The following NAALADL2 variants were observed in gnomAD, a reference collection of about 807,000 sequenced individuals.
NAALADL2 encodes inactive N-acetylated-alpha-linked acidic dipeptidase-like protein 2.
A neutral mutation model predicts 87.2 loss-of-function variants in NAALADL2; 76 were observed. The observed-to-expected ratio is 0.87, with a 90% confidence interval of 0.72 to 1.05. The LOEUF (loss-of-function observed/expected upper bound fraction) is 1.05. Ranked by LOEUF, NAALADL2 falls within the 50% of genes least tolerant of loss-of-function variation. The pLI is 0.00. For missense variants in NAALADL2, 1,089 were observed against 945.8 expected (o/e 1.15, Z -1.99); for synonymous variants, 354 against 331.0 (o/e 1.07, Z -0.75).
intron 4 of NAALADL2, among the ~76,000 whole-genome samples, chr3:175,265,762 A>G (rs1751823852): frequency 6.6e-6 from 1 of 151,556 alleles, no homozygotes; most frequent in South Asian, 2.1e-4. Context: ...TCTTATTTTT[A>G]TAACAAATTA....
In NAALADL2 at chr3:175,804,001, C is replaced by G. The variant is rs528970466; in HGVS notation, c.*798C>G. On this transcript the variant is annotated 3_prime_UTR_variant, in exon 14 of 14. Coordinates refer to ENST00000454872, the MANE Select transcript of NAALADL2 (RefSeq NM_207015.3). ...TTTCTTATTACTTTTTCTCTTGTTT[C>G]TGTTGGAAACACTGAAGCAGGGACT... 3 of 152,246 alleles carry G rather than the reference C, an allele frequency of 2.0e-5. No homozygotes were observed. Among genetic ancestry groups the G allele is most frequent in the Admixed American group, 6.6e-5 (1 of 15,208 alleles). The allele number at this position is 152,246 out of a possible 1,614,324, so 9.4% of individuals were successfully genotyped here.
At chr3:175,130,398 C>T (rs958352830) in intron 2 of NAALADL2, among the ~76,000 whole-genome samples, 9 of 152,036 alleles carry the variant, frequency 5.9e-5, no homozygotes, top group African/African-American at 2.2e-4. Flanking sequence ...CTTTTGGTAT[C>T]GTATCCAAAA....
At chr3:175,755,179 G>T (rs2150133090) in intron 12 of NAALADL2, 41 bp from the exon 13 acceptor site, 1 of 1,558,262 alleles carries the variant, frequency 6.4e-7, no homozygotes, top group South Asian at 1.2e-5. Context: ...TTGCTCCCTT[G>T]AGAATGTCTC....
intron 13 of NAALADL2, among the ~76,000 whole-genome samples, chr3:175,782,188 C>A (rs1751221833): frequency 1.4e-5 from 2 of 142,348 alleles, no homozygotes; most frequent in South Asian, 2.3e-4. Context: ...GTCTTTATAG[C>A]AGCATGATTT....
At chr3:175,475,038 C>T (rs904677906) in intron 9 of NAALADL2, among the ~76,000 whole-genome samples, 4 of 151,596 alleles carry the variant, frequency 2.6e-5, no homozygotes, top group African/African-American at 9.7e-5. Flanking sequence ...CACACACACA[C>T]ACACACACAC....
chr3:175,451,144 G>C (rs1478692189), intron 6 of NAALADL2, among the ~76,000 whole-genome samples: 1 of 152,064 alleles, frequency 6.6e-6, no homozygotes, highest in Non-Finnish European at 1.5e-5. Flanking sequence ...GTATATATGA[G>C]TCAATACATT....
chr3:174,794,295 T>C (rs1445882266), intron 3 of NAALADL2, among the ~76,000 whole-genome samples: 3 of 152,094 alleles, frequency 2.0e-5, no homozygotes, highest in Non-Finnish European at 4.4e-5. Context: ...CTTTATTCTT[T>C]CCTGGTTTTA....
intron 2 of NAALADL2, among the ~76,000 whole-genome samples, chr3:175,116,115 C>T (rs1725109654): frequency 6.6e-6 from 1 of 152,012 alleles, no homozygotes; most frequent in Non-Finnish European, 1.5e-5. Flanking sequence ...GACAAACCCA[C>T]AGCCAATATC....
intron 3 of NAALADL2, among the ~76,000 whole-genome samples, chr3:174,821,502 A>G (rs998666151): frequency 2.6e-5 from 4 of 152,186 alleles, no homozygotes; most frequent in Non-Finnish European, 5.9e-5. Flanking sequence ...TTAAAATGTG[A>G]TGTTTCTCAT....
intron 1 of NAALADL2, among the ~76,000 whole-genome samples, chr3:174,477,872 C>T (rs556185114): frequency 7.9e-5 from 12 of 152,200 alleles, no homozygotes; most frequent in African/African-American, 2.4e-4. Context: ...TCAATGTTAG[C>T]CATGAGTATT....
intron 1 of NAALADL2, among the ~76,000 whole-genome samples, chr3:174,445,056 A>T (rs1714949048): frequency 6.6e-6 from 1 of 151,498 alleles, no homozygotes; most frequent in Non-Finnish European, 1.5e-5. Context: ...TGTTTCTTGA[A>T]TTCTTACTAT....
chr3:174,458,538 G>A (rs1388395088), intron 1 of NAALADL2: 1 of 152,144 alleles, frequency 6.6e-6, no homozygotes, highest in Non-Finnish European at 1.5e-5. Flanking sequence ...AGATCAGTAA[G>A]ATCAGTTATG....
intron 3 of NAALADL2, among the ~76,000 whole-genome samples, chr3:174,813,354 G>GCCATGTGTGGCCCATGGA (rs1335324443): frequency 1.1e-4 from 16 of 152,208 alleles, no homozygotes; most frequent in Admixed American, 4.6e-4. Context: ...GTGGACCTGG[G>GCCATGTGTGGCCCATGGA]CCATGGGTTG....
chr3:175,157,211 C>T (rs1047532636), intron 2 of NAALADL2, among the ~76,000 whole-genome samples: 1 of 152,024 alleles, frequency 6.6e-6, no homozygotes, highest in African/African-American at 2.4e-5. Context: ...CCTGTGTATT[C>T]TATCATGAGG....
chr3:174,705,217 A>T (rs1578613486), intron 2 of NAALADL2, among the ~76,000 whole-genome samples: 1 of 152,172 alleles, frequency 6.6e-6, no homozygotes. Context: ...CCTAACTTGC[A>T]CATCTTTGGG....
At chr3:175,667,742 T>TG (rs976962135) in intron 11 of NAALADL2, among the ~76,000 whole-genome samples, 7 of 142,028 alleles carry the variant, frequency 4.9e-5, no homozygotes, top group African/African-American at 2.0e-4. Flanking sequence ...TGTTTTTTGC[T>TG]GTTTTTTTTT....
At chr3:174,801,226 T>C (rs1718793859) in intron 3 of NAALADL2, among the ~76,000 whole-genome samples, 1 of 152,164 alleles carries the variant, frequency 6.6e-6, no homozygotes, top group Non-Finnish European at 1.5e-5. Context: ...GTAATTCCCA[T>C]GTGTTGTGGG....
intron 9 of NAALADL2, among the ~76,000 whole-genome samples, chr3:175,541,979 A>G (rs969939422): frequency 1.3e-5 from 2 of 152,204 alleles, no homozygotes; most frequent in Non-Finnish European, 2.9e-5. Context: ...TCAGCCTCCC[A>G]AAGTGTTAAT....
intron 9 of NAALADL2, among the ~76,000 whole-genome samples, chr3:175,511,406 G>A (rs1250059167): frequency 3.3e-5 from 5 of 152,148 alleles, no homozygotes; most frequent in African/African-American, 9.7e-5. Flanking sequence ...TATAAGCAGA[G>A]GAATTTGGAC....
Sources: allele counts gnomAD v4.1 joint callset (sites outside exome capture counted in the v4.1 genomes callset), GRCh38; gene constraint gnomAD v4.1.1; transcripts MANE v1.5; gene names NCBI Gene and HGNC (gene_info 2026-07-23, HGNC 2026-07-21).